KSR1: variants seen among roughly 807,000 people sequenced by gnomAD.
The protein encoded by KSR1 is kinase suppressor of ras.
Under a neutral mutation model 92.9 loss-of-function variants are expected in KSR1, and 35 were observed. That is an observed-to-expected ratio of 0.38 (90% confidence interval 0.29 to 0.50). The LOEUF is 0.50. Ranked by LOEUF, KSR1 falls within the 20% of genes least tolerant of loss-of-function variation. KSR1 has a pLI of 0.94. For synonymous variants in KSR1, 467 were observed against 472.6 expected, an observed-to-expected ratio of 0.99 and a Z score of 0.15; for missense variants, 972 against 1,158.5, an observed-to-expected ratio of 0.84 and a Z score of 2.34.
intron 1 of KSR1, among the ~76,000 whole-genome samples, chr17:27,510,018 A>G (rs1447638939): frequency 3.9e-5 from 6 of 152,308 alleles, no homozygotes; most frequent in Non-Finnish European, 1.5e-5. Flanking sequence ...TGAGGAGGGT[A>G]GTACCCTAAG....
intron 1 of KSR1, among the ~76,000 whole-genome samples, chr17:27,527,872 T>C (rs2070377082): frequency 6.6e-6 from 1 of 152,254 alleles, no homozygotes; most frequent in South Asian, 2.1e-4. Flanking sequence ...TGGGAGGCTT[T>C]GTACGATGTC....
At chr17:27,558,314 T>C (rs1439989221) in intron 2 of KSR1, 4 of 151,140 alleles carry the variant, frequency 2.6e-5, no homozygotes, top group Middle Eastern at 6.8e-3. Context: ...ATGATAGATA[T>C]CATTTTGCAG....
At chr17:27,536,109 G>A (rs2070742433) in intron 1 of KSR1, among the ~76,000 whole-genome samples, 1 of 152,216 alleles carries the variant, frequency 6.6e-6, no homozygotes, top group African/African-American at 2.4e-5. Context: ...CTGTCTGGGA[G>A]ACAGGGCAGG....
At chr17:27,618,198 GT>G (rs2151267814) in intron 19 of KSR1, among the ~76,000 whole-genome samples, 1 of 152,136 alleles carries the variant, frequency 6.6e-6, no homozygotes, top group South Asian at 2.1e-4. Context: ...AGTCACTTGG[GT>G]TTAGAAGCTC....
At chr17:27,526,963 G>T in intron 1 of KSR1, 1 of 584,138 alleles carries the variant, frequency 1.7e-6, no homozygotes, top group East Asian at 2.9e-5. Context: ...CTCCTTTCAT[G>T]GGCCATAATT....
intron 1 of KSR1, among the ~76,000 whole-genome samples, chr17:27,542,791 A>T (rs780223687): frequency 6.6e-6 from 1 of 152,232 alleles, no homozygotes; most frequent in Non-Finnish European, 1.5e-5. Flanking sequence ...TGGACTAAAC[A>T]CTTTGCATAC....
chr17:27,563,809 C>G (rs2071934624), intron 2 of KSR1, among the ~76,000 whole-genome samples: 1 of 152,134 alleles, frequency 6.6e-6, no homozygotes, highest in Non-Finnish European at 1.5e-5. Flanking sequence ...GCCATCTCAT[C>G]CTCTGACCGG....
intron 19 of KSR1, among the ~76,000 whole-genome samples, chr17:27,618,997 G>T (rs9909749): frequency 6.6e-6 from 1 of 151,890 alleles, no homozygotes; most frequent in African/African-American, 2.4e-5. Context: ...CGCCCGGCCA[G>T]TTATAAACTT....
chr17:27,609,698 G>A, intron 16 of KSR1: 1 of 334,158 alleles, frequency 3.0e-6, no homozygotes, highest in Non-Finnish European at 5.5e-6. Context: ...AACCCAAAAG[G>A]GAGCATGGCA....
intron 5 of KSR1, among the ~76,000 whole-genome samples, chr17:27,586,550 T>C (rs114669565): frequency 0.016 from 2,487 of 152,218 alleles, 70 homozygotes; most frequent in African/African-American, 0.058. Context: ...CCTCCCTTAG[T>C]GCCCGGGCAG....
At position 27,623,521 on chromosome 17, in the gene KSR1, T is replaced by C. The variant is rs1235931757; in HGVS notation, c.*129T>C. 1.5e-6 allele frequency: 1 copy of C among 683,344 alleles called. No individual in the cohort carries two copies. Among genetic ancestry groups the C allele is most frequent in the Non-Finnish European group, 2.6e-6 (1 of 379,546 alleles). 42.3% of individuals were successfully genotyped at this position (683,344 alleles called of 1,614,324 possible). ...CAAACCAGGAGCACACGTCCTAGAT[T>C]CAGACTGTTGGCCATAAACCCCACT... is the stretch of plus-strand genomic sequence containing the variant. On this transcript the variant is annotated 3_prime_UTR_variant, in exon 21 of 21. Transcript: ENST00000644974.
chr17:27,610,544 C>A (rs1019926630), intron 17 of KSR1, among the ~76,000 whole-genome samples: 18 of 152,192 alleles, frequency 1.2e-4, no homozygotes, highest in African/African-American at 4.3e-4. Context: ...AGAACTGCTC[C>A]TCCCAGTCTG....
chr17:27,527,931 T>G (rs564682425), intron 1 of KSR1, among the ~76,000 whole-genome samples: 1 of 152,336 alleles, frequency 6.6e-6, no homozygotes, highest in South Asian at 2.1e-4. Context: ...ATTACATTGA[T>G]TATGTGTCTC....
At chr17:27,502,956 C>T (rs2069245226) in intron 1 of KSR1, among the ~76,000 whole-genome samples, 1 of 152,246 alleles carries the variant, frequency 6.6e-6, no homozygotes, top group Non-Finnish European at 1.5e-5. Flanking sequence ...CAGTTACTGA[C>T]AGGCAATGCC....
intron 2 of KSR1, chr17:27,566,550 C>G: frequency 2.5e-6 from 1 of 399,128 alleles, no homozygotes; most frequent in Non-Finnish European, 4.4e-6. Context: ...AGGCGTGAGC[C>G]CACCTGGGCT....
chr17:27,609,407 CTGTT>C, intron 16 of KSR1, 78 bp downstream of exon 16: 1 of 1,561,230 alleles, frequency 6.4e-7, no homozygotes, highest in Non-Finnish European at 8.8e-7. Flanking sequence ...GGCACTTTCA[CTGTT>C]TGTTGCTGAG....
rs766198514 is a variant in KSR1 at position 27,550,565 on chromosome 17, C to T, written c.232-3C>T. 1.8e-5 allele frequency: 14 copies of T among 764,266 alleles called. No individual in the cohort carries two copies. In the East Asian group the frequency reaches 3.4e-4, roughly 19 times the overall value. The allele number at this position is 764,266 out of a possible 1,614,324, so 47.3% of individuals were successfully genotyped here. A position where few individuals can be genotyped will look rare whatever the true frequency, so the allele number is the denominator to read the frequency against. The stretch of plus-strand genomic sequence containing the variant: ...AGGCTTTTCTTTTTTGGACTTTCTG[C>T]AGGCGAAGCTGGTCCGTTACATTTG... On this transcript the variant is annotated splice_polypyrimidine_tract_variant and splice_region_variant and intron_variant, in intron 1 of 20. Coordinates refer to ENST00000644974, the MANE Select transcript of KSR1 (RefSeq NM_001394583.1).
chr17:27,584,424 C>G (rs2151173477), intron 4 of KSR1, among the ~76,000 whole-genome samples: 1 of 152,286 alleles, frequency 6.6e-6, no homozygotes, highest in South Asian at 2.1e-4. Context: ...ACCGACCCTG[C>G]TGCTCCCACT....
Position 27,604,672 on chromosome 17 carries a change from A to G in KSR1, c.1566-8A>G, listed in dbSNP as rs1469606347. On this transcript the variant is annotated splice_region_variant and splice_polypyrimidine_tract_variant and intron_variant, in intron 12 of 20. Coordinates refer to ENST00000644974, the MANE Select transcript of KSR1 (RefSeq NM_001394583.1). ...AAGGTCTCCTTGACAAACCTTGTTT[A>G]CTCTTAGGCTCGATGACCAGCCGAA... 2 of 1,613,810 alleles carry G rather than the reference A, an allele frequency of 1.2e-6. No homozygotes were observed. Among genetic ancestry groups the G allele is most frequent in the Non-Finnish European group, 1.7e-6 (2 of 1,179,834 alleles).
Sources: allele counts gnomAD v4.1 joint callset (sites outside exome capture counted in the v4.1 genomes callset), GRCh38; gene constraint gnomAD v4.1.1; transcripts MANE v1.5; gene names NCBI Gene and HGNC (gene_info 2026-07-23, HGNC 2026-07-21).